Variants in SLC14A2 observed in about 807,000 individuals in gnomAD.
The protein encoded by SLC14A2 is urea transporter 2.
SLC14A2 carries 91 observed loss-of-function variants against 104.6 expected under a neutral mutation model. The ratio of observed to expected loss-of-function variants is 0.87; its 90% CI spans 0.73 to 1.04. The LOEUF (loss-of-function observed/expected upper bound fraction) is 1.04, where lower values mean the gene tolerates loss of function less well. SLC14A2 is among the 50% of genes least tolerant of loss of function. The pLI is 0.00. For synonymous variants in SLC14A2, 476 were observed against 466.4 expected (o/e 1.02, Z -0.27); for missense variants, 1,189 against 1,156.0 (o/e 1.03, Z -0.41).
chr18:45,337,575 T>C (rs2085349243), intron 1 of SLC14A2, among the ~76,000 whole-genome samples: 1 of 152,184 alleles, frequency 6.6e-6, no homozygotes, highest in Non-Finnish European at 1.5e-5. Context: ...TTCCCTGCCA[T>C]GACAGGAAAG....
chr18:45,665,637 G>A (rs2046006311), intron 11 of SLC14A2, among the ~76,000 whole-genome samples: 1 of 147,144 alleles, frequency 6.8e-6, no homozygotes, highest in Admixed American at 6.8e-5. Flanking sequence ...GGCTCAGGCA[G>A]CTTAATACTT....
chr18:45,244,288 A>T (rs1428153375), intron 1 of SLC14A2, among the ~76,000 whole-genome samples: 1 of 152,016 alleles, frequency 6.6e-6, no homozygotes, highest in Non-Finnish European at 1.5e-5. Context: ...AGTTTTAGAC[A>T]TGTCTATGAA....
intron 2 of SLC14A2, among the ~76,000 whole-genome samples, chr18:45,585,520 C>T (rs2044553443): frequency 6.6e-6 from 1 of 152,128 alleles, no homozygotes; most frequent in South Asian, 2.1e-4. Flanking sequence ...ATTATGTTTC[C>T]TATTAAGAAA....
chr18:45,444,407 G>T (rs1212668199), intron 1 of SLC14A2, among the ~76,000 whole-genome samples: 1 of 152,182 alleles, frequency 6.6e-6, no homozygotes, highest in Non-Finnish European at 1.5e-5. Context: ...CCCAAAGTCA[G>T]TAAGAAAGAA....
intron 1 of SLC14A2, among the ~76,000 whole-genome samples, chr18:45,266,369 G>A (rs2084592427): frequency 6.6e-6 from 1 of 152,142 alleles, no homozygotes; most frequent in Non-Finnish European, 1.5e-5. Flanking sequence ...ACTAAAGCCT[G>A]AGAAGGGCAG....
intron 2 of SLC14A2, among the ~76,000 whole-genome samples, chr18:45,564,820 C>A (rs1018804701): frequency 2.0e-5 from 3 of 152,090 alleles, no homozygotes; most frequent in African/African-American, 7.2e-5. Flanking sequence ...GGGGAGAGAT[C>A]TTTGCACCTA....
At chr18:45,235,815 A>ATATATATATATATACGTG (rs2084220513) in intron 1 of SLC14A2, among the ~76,000 whole-genome samples, 1 of 83,054 alleles carries the variant, frequency 1.2e-5, no homozygotes, top group Non-Finnish European at 2.3e-5. Context: ...GTGTGTGTGT[A>ATATATATATATATACGTG]TATATATATA....
intron 4 of SLC14A2, 74 bp downstream of exon 4, chr18:45,627,221 A>T: frequency 7.2e-7 from 1 of 1,389,130 alleles, no homozygotes; most frequent in Non-Finnish European, 1.0e-6. Context: ...TTGAGTAATC[A>T]GTCAACCTTA....
intron 1 of SLC14A2, among the ~76,000 whole-genome samples, chr18:45,294,228 T>TAC: frequency 6.6e-6 from 1 of 152,272 alleles, no homozygotes; most frequent in East Asian, 1.9e-4. Flanking sequence ...AATATATATA[T>TAC]ATAGAAAGAG....
At chr18:45,519,894 G>A (rs2043492886) in intron 2 of SLC14A2, among the ~76,000 whole-genome samples, 1 of 152,158 alleles carries the variant, frequency 6.6e-6, no homozygotes, top group South Asian at 2.1e-4. Flanking sequence ...CCTACACTAG[G>A]AATTAACAGG....
At chr18:45,438,688 G>A (rs923753789) in intron 1 of SLC14A2, among the ~76,000 whole-genome samples, 4 of 152,120 alleles carry the variant, frequency 2.6e-5, no homozygotes, top group Admixed American at 2.6e-4. Context: ...AAGGAAACCA[G>A]GAATAAAAAT....
chr18:45,627,115 G>A lies in SLC14A2; in HGVS notation c.489G>A (p.Ser163=), dbSNP rs367796494. 19 of 1,614,004 alleles carry A rather than the reference G, an allele frequency of 1.2e-5. No homozygotes were observed. Among genetic ancestry groups the A allele is most frequent in the Admixed American group, 5.0e-5 (3 of 60,002 alleles). The change falls in exon 4 of 20, where the codon TCG becomes TCA. Residue 163 remains serine (S), a synonymous_variant. Transcript: ENST00000255226. ...TITGGLGTVV[S]TLTALALGQD... ...CTGGGGGCCTGGGGACAGTGGTCTCGACCTTAACAGCTCTCGCCTTGGGCC... is the reference window on the plus strand; with the variant it reads ...CTGGGGGCCTGGGGACAGTGGTCTCAACCTTAACAGCTCTCGCCTTGGGCC...
chr18:45,537,825 T>C (rs1048707199), intron 2 of SLC14A2, among the ~76,000 whole-genome samples: 2 of 152,046 alleles, frequency 1.3e-5, no homozygotes, highest in Admixed American at 6.6e-5. Context: ...GGTTGGGAGA[T>C]TGACCAGGAG....
At chr18:45,444,048 T>G (rs1201446989) in intron 1 of SLC14A2, among the ~76,000 whole-genome samples, 3 of 152,192 alleles carry the variant, frequency 2.0e-5, no homozygotes, top group African/African-American at 7.2e-5. Flanking sequence ...GGAAGCACAG[T>G]AGAGTAACCA....
intron 1 of SLC14A2, among the ~76,000 whole-genome samples, chr18:45,617,539 C>A (rs200041733): frequency 3.3e-4 from 50 of 152,034 alleles, no homozygotes; most frequent in Non-Finnish European, 6.8e-4. Context: ...TAATAAAAGC[C>A]GGCACTCAGC....
At chr18:45,611,445 CAGG>C (rs2044970262), upstream of SLC14A2, among the ~76,000 whole-genome samples, 1 of 152,178 alleles carries the variant, frequency 6.6e-6, no homozygotes, top group African/African-American at 2.4e-5. Context: ...AGGTCAAGTG[CAGG>C]AGAAGTGCAT....
At chr18:45,498,082 C>T (rs570257156) in intron 2 of SLC14A2, among the ~76,000 whole-genome samples, 2 of 152,158 alleles carry the variant, frequency 1.3e-5, no homozygotes, top group East Asian at 1.9e-4. Context: ...TTAGAAACAA[C>T]ATGGAAGTCC....
intron 1 of SLC14A2, among the ~76,000 whole-genome samples, chr18:45,303,018 A>C (rs2084983359): frequency 6.6e-6 from 1 of 152,150 alleles, no homozygotes; most frequent in South Asian, 2.1e-4. Context: ...ACTTGATTTA[A>C]AAAAAAGAAA....
the SLC14A2 span, among the ~76,000 whole-genome samples, chr18:45,204,282 C>T: frequency 2.0e-5 from 3 of 152,192 alleles, no homozygotes; most frequent in Non-Finnish European, 4.4e-5. Context: ...TATCTGTTCA[C>T]ATGGGAGAAA....
Sources: allele counts gnomAD v4.1 joint callset (sites outside exome capture counted in the v4.1 genomes callset), GRCh38; gene constraint gnomAD v4.1.1; transcripts MANE v1.5; gene names NCBI Gene and HGNC (gene_info 2026-07-23, HGNC 2026-07-21).